The following SDC2 variants were observed in gnomAD, a reference collection of about 807,000 sequenced individuals.
The protein encoded by SDC2 is syndecan-2.
In SDC2, 13 loss-of-function variants were observed where a neutral mutation model predicts 22.2. The observed-to-expected ratio is 0.59, with a 90% CI of 0.38 to 0.93. The LOEUF is 0.93. SDC2 is among the 40% of genes least tolerant of loss of function. The probability of loss-of-function intolerance (pLI) is 0.00; values close to 1 mark genes in which losing one functional copy is unlikely to be tolerated. For missense variants in SDC2, 235 were observed against 246.8 expected (o/e 0.95, Z 0.32); for synonymous variants, 94 against 92.8 (o/e 1.01, Z -0.07).
intron 1 of SDC2, among the ~76,000 whole-genome samples, chr8:96,589,736 T>C (rs1814746533): frequency 1.3e-5 from 2 of 152,208 alleles, no homozygotes; most frequent in African/African-American, 2.4e-5. Context: ...TATGTCATCC[T>C]CTATGTGGCA....
chr8:96,550,616 G>C (rs962395967), intron 1 of SDC2, among the ~76,000 whole-genome samples: 2 of 152,188 alleles, frequency 1.3e-5, no homozygotes, highest in Non-Finnish European at 2.9e-5. Context: ...GCTGGTTCCC[G>C]CTCAACACAC....
intron 1 of SDC2, among the ~76,000 whole-genome samples, chr8:96,562,705 T>G (rs1586301420): frequency 6.6e-6 from 1 of 152,374 alleles, no homozygotes; most frequent in East Asian, 1.9e-4. Flanking sequence ...AATCCTTACC[T>G]TCAAATCTTC....
At chr8:96,531,651 C>G (rs1813663232) in intron 1 of SDC2, among the ~76,000 whole-genome samples, 2 of 152,226 alleles carry the variant, frequency 1.3e-5, no homozygotes, top group Non-Finnish European at 2.9e-5. Context: ...TGACTCACCA[C>G]TACCTCCATC....
intron 1 of SDC2, among the ~76,000 whole-genome samples, chr8:96,547,382 G>T (rs1228905741): frequency 3.9e-5 from 6 of 152,194 alleles, no homozygotes; most frequent in African/African-American, 1.4e-4. Context: ...GGATCCAGAA[G>T]TCCTAATTAT....
intron 2 of SDC2, among the ~76,000 whole-genome samples, chr8:96,599,529 A>G (rs1445211801): frequency 9.0e-6 from 1 of 110,720 alleles, no homozygotes; most frequent in East Asian, 1.9e-4. Context: ...ACCCATCATT[A>G]TTAATGACCT....
chr8:96,535,264 C>T (rs955542146), intron 1 of SDC2, among the ~76,000 whole-genome samples: 2 of 152,166 alleles, frequency 1.3e-5, no homozygotes, highest in African/African-American at 4.8e-5. Flanking sequence ...GCCTTGGCCT[C>T]CCAAAGTGCC....
chr8:96,532,416 T>TTTTTTTTG (rs1813677583), intron 1 of SDC2, among the ~76,000 whole-genome samples: 1 of 141,312 alleles, frequency 7.1e-6, no homozygotes, highest in African/African-American at 2.6e-5. Flanking sequence ...TGAGGCGTTT[T>TTTTTTTTG]TTTTTTTTTT....
intron 1 of SDC2, among the ~76,000 whole-genome samples, chr8:96,534,151 C>CAA (rs1813713741): frequency 6.6e-6 from 1 of 152,216 alleles, no homozygotes; most frequent in Non-Finnish European, 1.5e-5. Flanking sequence ...CTCTGACCTG[C>CAA]AAGCGCCGTG....
rs1187639613 is a variant in SDC2 at position 96,611,735 on chromosome 8, G to A, written c.*2187G>A. On this transcript the variant is annotated 3_prime_UTR_variant, in exon 5 of 5. Coordinates refer to ENST00000302190, the MANE Select transcript of SDC2 (RefSeq NM_002998.4). ...CACTGCTGTAAAGCAAAATATTTGT[G>A]AAAGTGCCAAAATAAAGTCTGTCAT... 6.6e-6 allele frequency: 1 copy of A among 152,348 alleles called. No individual in the cohort carries two copies. The highest frequency in any genetic ancestry group is 2.4e-5 in the African/African-American group (1 of 41,396). The allele number at this position is 152,348 out of a possible 1,614,324, so 9.4% of individuals were successfully genotyped here. A position where few individuals can be genotyped will look rare whatever the true frequency, so the allele number is the denominator to read the frequency against.
intron 1 of SDC2, among the ~76,000 whole-genome samples, chr8:96,565,374 C>T (rs961051875): frequency 9.2e-5 from 14 of 151,888 alleles, no homozygotes; most frequent in Non-Finnish European, 1.6e-4. Context: ...CGTGAGCCAC[C>T]GCACCCAACC....
At chr8:96,573,419 C>A (rs1342958186) in intron 1 of SDC2, among the ~76,000 whole-genome samples, 1 of 39,210 alleles carries the variant, frequency 2.6e-5, no homozygotes, top group Admixed American at 2.2e-4. Context: ...ATTGCTAAGG[C>A]TCAGGTTCCA....
chr8:96,608,826 A>G (rs1437214930), intron 4 of SDC2, among the ~76,000 whole-genome samples: 2 of 152,182 alleles, frequency 1.3e-5, no homozygotes, highest in Non-Finnish European at 2.9e-5. Context: ...GAGAACGAAA[A>G]GTTCTTTAGG....
intron 1 of SDC2, among the ~76,000 whole-genome samples, chr8:96,547,710 T>C (rs1813957325): frequency 1.3e-5 from 2 of 152,094 alleles, no homozygotes; most frequent in African/African-American, 4.8e-5. Context: ...AATATCTGAG[T>C]TGACTTGGTA....
At chr8:96,562,986 G>C (rs769660910) in intron 1 of SDC2, among the ~76,000 whole-genome samples, 1 of 151,666 alleles carries the variant, frequency 6.6e-6, no homozygotes, top group African/African-American at 2.4e-5. Flanking sequence ...TCATTTTGAC[G>C]CACATCACCC....
intron 1 of SDC2, among the ~76,000 whole-genome samples, chr8:96,574,422 T>A (rs1012087158): frequency 1.5e-4 from 23 of 152,354 alleles, no homozygotes; most frequent in African/African-American, 5.5e-4. Context: ...CAGCAGCAGC[T>A]GTCTCATCAG....
chr8:96,604,466 GT>G (rs1395988459), intron 3 of SDC2, among the ~76,000 whole-genome samples: 11 of 152,174 alleles, frequency 7.2e-5, no homozygotes, highest in Admixed American at 3.9e-4. Context: ...GTCGAACACT[GT>G]TTGCAGCACT....
chr8:96,530,360 G>A (rs975268037), intron 1 of SDC2, among the ~76,000 whole-genome samples: 6 of 152,196 alleles, frequency 3.9e-5, no homozygotes, highest in African/African-American at 7.2e-5. Flanking sequence ...TAGGCTGGGC[G>A]CGGTGGCTCA....
intron 1 of SDC2, among the ~76,000 whole-genome samples, chr8:96,557,887 C>G (rs915409108): frequency 6.6e-6 from 1 of 152,102 alleles, no homozygotes; most frequent in Non-Finnish European, 1.5e-5. Flanking sequence ...TCCTATAACT[C>G]TATGCTGAGT....
At chr8:96,588,102 C>T (rs955431545) in intron 1 of SDC2, among the ~76,000 whole-genome samples, 1 of 152,202 alleles carries the variant, frequency 6.6e-6, no homozygotes, top group African/African-American at 2.4e-5. Context: ...TGATGTCACT[C>T]ATGTTGTGGG....
Sources: allele counts gnomAD v4.1 joint callset (sites outside exome capture counted in the v4.1 genomes callset), GRCh38; gene constraint gnomAD v4.1.1; transcripts MANE v1.5; gene names NCBI Gene and HGNC (gene_info 2026-07-23, HGNC 2026-07-21).